PARP11: variants seen among roughly 807,000 people sequenced by gnomAD.
PARP11 encodes poly(ADP-ribose) polymerase family member 11.
In PARP11, 31 loss-of-function variants were observed where a neutral mutation model predicts 42.9. The observed-to-expected ratio is 0.72, with a 90% confidence interval of 0.54 to 0.98. The LOEUF is 0.98. PARP11 is among the 50% of genes least tolerant of loss of function. The pLI, the probability that PARP11 is intolerant of heterozygous loss-of-function variation, is 0.00. For missense variants in PARP11, 365 were observed against 413.1 expected (o/e 0.88, Z 1.01); for synonymous variants, 137 against 127.3 (o/e 1.08, Z -0.51).
intron 6 of PARP11, among the ~76,000 whole-genome samples, chr12:3,819,403 T>C (rs189212908): frequency 1.6e-4 from 24 of 152,310 alleles, no homozygotes; most frequent in Admixed American, 1.4e-3. Flanking sequence ...ACTTCTTTGT[T>C]GTGAAAGGCT....
intron 6 of PARP11, among the ~76,000 whole-genome samples, chr12:3,820,904 C>A (rs531395374): frequency 6.6e-6 from 1 of 152,078 alleles, no homozygotes; most frequent in African/African-American, 2.4e-5. Context: ...CTGAAATGTA[C>A]GCAGGCCATA....
intron 1 of PARP11, among the ~76,000 whole-genome samples, chr12:3,857,157 TAGG>T (rs1329339579): frequency 1.3e-5 from 2 of 151,670 alleles, no homozygotes; most frequent in Admixed American, 1.3e-4. Context: ...AGGATAGCAT[TAGG>T]AGAAATACCT....
At position 3,812,400 on chromosome 12, in the gene PARP11, A is replaced by G; in HGVS notation, c.740T>C (p.Phe247Ser). Residue 247 changes from phenylalanine to serine, a missense_variant, in exon 8 of 8, where the codon TTC (phenylalanine) becomes TCC (serine). Transcript: ENST00000228820. ...FARDAAYSSR[F>S]CKDDIKHGNT... ...CCCATGCTTTATGTCATCTTTGCAG[A>G]AACGACTGGAATAAGCAGCATCTCT... 1.9e-6 allele frequency: 3 copies of G among 1,614,090 alleles called. No individual in the cohort carries two copies. Among genetic ancestry groups the G allele is most frequent in the Non-Finnish European group, 2.5e-6 (3 of 1,179,982 alleles).
In PARP11 at chr12:3,844,069, C is replaced by A. The variant is rs367663901; in HGVS notation, c.19-14051G>T. Among the ~76,000 whole-genome samples, 881 of 152,282 alleles carry A rather than the reference C, an allele frequency of 5.8e-3. 15 individuals are homozygous for A. The highest frequency in any genetic ancestry group is 0.02 in the African/African-American group (820 of 41,548). ...ACCTATGGGAATGTTTGGATGCCAG[C>A]TGGGCTCAGTGAATCGCCACTGTAC... On this transcript the variant is annotated intron_variant, in intron 1 of 7. Coordinates refer to ENST00000228820, the MANE Select transcript of PARP11 (RefSeq NM_020367.6).
chr12:3,860,523 C>T (rs145499071), intron 1 of PARP11, among the ~76,000 whole-genome samples: 149 of 152,292 alleles, frequency 9.8e-4, no homozygotes, highest in African/African-American at 3.3e-3. Flanking sequence ...GAAGGCAGAG[C>T]ATCAAGCCAA....
intron 1 of PARP11, among the ~76,000 whole-genome samples, chr12:3,868,562 C>A (rs1304463122): frequency 6.6e-6 from 1 of 152,192 alleles, no homozygotes; most frequent in African/African-American, 2.4e-5. Flanking sequence ...GCTTCATAGG[C>A]ACATTAAACA....
At chr12:3,842,622 C>A in intron 1 of PARP11, 1 of 741,368 alleles carries the variant, frequency 1.3e-6, no homozygotes, top group Non-Finnish European at 2.3e-6. Flanking sequence ...ACTCTTTCCT[C>A]TCCCCAGCCT....
intron 6 of PARP11, among the ~76,000 whole-genome samples, chr12:3,816,480 C>T (rs1418120579): frequency 4.6e-5 from 7 of 152,232 alleles, no homozygotes; most frequent in Non-Finnish European, 8.8e-5. Flanking sequence ...ATTTCTCCAT[C>T]TTGTCTTCCT....
chr12:3,832,290 C>T (rs747116256), intron 1 of PARP11, among the ~76,000 whole-genome samples: 1 of 152,054 alleles, frequency 6.6e-6, no homozygotes, highest in Non-Finnish European at 1.5e-5. Context: ...GTCCACAATC[C>T]AATGTGCAGG....
chr12:3,870,290 C>G (rs914477377), intron 1 of PARP11, among the ~76,000 whole-genome samples: 2 of 152,116 alleles, frequency 1.3e-5, no homozygotes, highest in African/African-American at 2.4e-5. Context: ...TAATAAAATA[C>G]AGTAGCAGTA....
chr12:3,859,119 ATTATATAAAAT>A (rs1948249408), intron 1 of PARP11, among the ~76,000 whole-genome samples: 1 of 151,776 alleles, frequency 6.6e-6, no homozygotes, highest in South Asian at 2.1e-4. Context: ...AAAGAAAAAT[ATTATATAAAAT>A]TACCTTTGAA....
Position 3,840,641 on chromosome 12 carries a change from T to G in PARP11, c.19-10623A>C. Reference sequence around the variant, plus strand: ...TGCTACTTCTCAGAGTAGCAATCCATGTGTCCAGAGAAAATCATCACACGT... The same window carrying G: ...TGCTACTTCTCAGAGTAGCAATCCAGGTGTCCAGAGAAAATCATCACACGT... On this transcript the variant is annotated intron_variant, in intron 1 of 7. Coordinates refer to ENST00000228820, the MANE Select transcript of PARP11 (RefSeq NM_020367.6). This position sits in a 1 kb window ranked among gnomAD's most constrained non-coding sequence, Gnocchi z 4.4. 1 of 1,206,304 alleles carries G rather than the reference T, an allele frequency of 8.3e-7. No individual in the cohort carries two copies. Among genetic ancestry groups the G allele is most frequent in the Non-Finnish European group, 1.2e-6 (1 of 807,642 alleles). 74.7% of individuals were successfully genotyped at this position (1,206,304 alleles called of 1,614,324 possible).
intron 1 of PARP11, among the ~76,000 whole-genome samples, chr12:3,837,298 T>C (rs182535257): frequency 1.4e-4 from 22 of 152,240 alleles, no homozygotes; most frequent in African/African-American, 5.1e-4. Context: ...TAAGGCACCA[T>C]CTAGTGCTTA....
At chr12:3,813,714 C>T (rs1947227757) in intron 7 of PARP11, among the ~76,000 whole-genome samples, 1 of 152,134 alleles carries the variant, frequency 6.6e-6, no homozygotes, top group South Asian at 2.1e-4. Context: ...CATCCCATAC[C>T]TTTTCCCCTC....
chr12:3,856,074 G>T (rs1948184455), intron 1 of PARP11, among the ~76,000 whole-genome samples: 1 of 152,178 alleles, frequency 6.6e-6, no homozygotes, highest in Non-Finnish European at 1.5e-5. Flanking sequence ...AAACTGGCTA[G>T]AAAGCTGAAA....
intron 1 of PARP11, among the ~76,000 whole-genome samples, chr12:3,863,080 C>T (rs1948326729): frequency 6.6e-6 from 1 of 152,122 alleles, no homozygotes; most frequent in Non-Finnish European, 1.5e-5. Flanking sequence ...ACAGATCTTG[C>T]AAATCTTTTA....
intron 1 of PARP11, among the ~76,000 whole-genome samples, chr12:3,851,542 C>A (rs1948095242): frequency 6.6e-6 from 1 of 152,262 alleles, no homozygotes; most frequent in African/African-American, 2.4e-5. Flanking sequence ...TGCAAGGCAG[C>A]AGCCTGGCTT....
intron 1 of PARP11, among the ~76,000 whole-genome samples, chr12:3,855,835 AG>A (rs1948179272): frequency 6.6e-6 from 1 of 152,202 alleles, no homozygotes; most frequent in African/African-American, 2.4e-5. Flanking sequence ...CTAAGCAAAA[AG>A]GAACAAAGCT....
intron 1 of PARP11, chr12:3,839,777 A>C (rs1048307169): frequency 8.8e-6 from 10 of 1,132,236 alleles, no homozygotes; most frequent in South Asian, 2.5e-5. Context: ...AAGTATAAAG[A>C]AAGCTCTGCT....
Sources: gnomAD v4.1 joint callset for allele counts (sites outside exome capture counted in the v4.1 genomes callset) on GRCh38, gnomAD v4.1.1 for gene constraint, Gnocchi (gnomAD v3.1) non-coding constraint, MANE v1.5 for transcripts, NCBI Gene and HGNC (gene_info 2026-07-23, HGNC 2026-07-21) for gene names.